Variants in PROKR1 observed in about 807,000 individuals in gnomAD.
PROKR1 encodes G protein-coupled receptor 73.
In PROKR1, 21 loss-of-function variants were observed where a neutral mutation model predicts 22.8. That is an observed-to-expected ratio of 0.92 (90% confidence interval 0.65 to 1.32). The LOEUF (loss-of-function observed/expected upper bound fraction) is 1.32. Ranked by LOEUF, PROKR1 falls within the 40% of genes most tolerant of loss-of-function variation. The probability of loss-of-function intolerance (pLI) is 0.00; values close to 1 mark genes in which losing one functional copy is unlikely to be tolerated. For missense variants in PROKR1, 548 were observed against 514.2 expected, an observed-to-expected ratio of 1.07 and a Z score of -0.64; for synonymous variants, 193 against 207.5, an observed-to-expected ratio of 0.93 and a Z score of 0.60.
In PROKR1 at chr2:68,646,195, T is replaced by A; in HGVS notation, c.374T>A (p.Val125Glu). Residue 125 changes from valine to glutamate, a missense_variant, in exon 2 of 3, where the codon GTG becomes GAG. Val to Glu is a moderately radical substitution (Grantham distance 121). Transcript: ENST00000303786. ...CCPFEMDYYV[V>E]RQLSWEHGHV... is the part of the protein sequence containing the mutation. ...CCCTTTGAGATGGACTACTATGTGG[T>A]GCGCCAGCTCTCCTGGGAGCACGGC... The A allele has an allele frequency of 6.2e-7, 1 of 1,609,930 alleles. No individual in the cohort carries two copies.
chr2:68,646,261 C>T lies in PROKR1; in HGVS notation c.440C>T (p.Ser147Phe). 2 of 1,614,198 alleles carry T rather than the reference C, an allele frequency of 1.2e-6. No individual in the cohort carries two copies. Among genetic ancestry groups the T allele is most frequent in the Non-Finnish European group, 1.7e-6 (2 of 1,180,016 alleles). Residue 147 changes from serine (S) to phenylalanine (F), a missense_variant, in exon 2 of 3, where the codon TCT (serine) becomes TTT (phenylalanine). By Grantham distance (155) the Ser-to-Phe change is radical. Transcript: ENST00000303786. The part of the protein sequence containing the change: ...CTSVNYLRTV[S>F]LYVSTNALLA... ...TCTGTCAACTACCTGCGCACTGTCTCTCTCTATGTCTCCACCAATGCCCTG... is the reference window on the plus strand; with the variant it reads ...TCTGTCAACTACCTGCGCACTGTCTTTCTCTATGTCTCCACCAATGCCCTG...
At chr2:68,646,909 G>A (rs72907843) in intron 2 of PROKR1, among the ~76,000 whole-genome samples, 12 of 152,090 alleles carry the variant, frequency 7.9e-5, no homozygotes, top group South Asian at 4.1e-4. Context: ...TTAGCTGAGC[G>A]TGGTGGTGTG....
At chr2:68,650,926 G>A (rs1673302062) in intron 2 of PROKR1, among the ~76,000 whole-genome samples, 1 of 152,138 alleles carries the variant, frequency 6.6e-6, no homozygotes, top group African/African-American at 2.4e-5. Flanking sequence ...CTAGAGGTGG[G>A]ATTGCCTGAA....
chr2:68,644,472 G>C (rs1026881136), intron 1 of PROKR1, among the ~76,000 whole-genome samples: 1 of 152,164 alleles, frequency 6.6e-6, no homozygotes, highest in African/African-American at 2.4e-5. Context: ...TAAGGAGTTA[G>C]GACAGAGAGG....
In PROKR1 at chr2:68,658,147, C is replaced by G. The variant is rs1673510921; in HGVS notation, c.*2571C>G. The G allele has an allele frequency of 6.6e-6, 1 of 152,194 alleles. No individual in the cohort carries two copies. The highest frequency in any genetic ancestry group is 1.5e-5 in the Non-Finnish European group (1 of 68,046). The allele number at this position is 152,194 out of a possible 1,614,324, so 9.4% of individuals were successfully genotyped here. A position where few individuals can be genotyped will look rare whatever the true frequency, so the allele number is the denominator to read the frequency against. On this transcript the variant is annotated 3_prime_UTR_variant, in exon 3 of 3. Transcript: ENST00000303786. ...TAAAATGTATCAATTTTTCACTCAA[C>G]TATCTGTGTTACTTCCAAATATTAG...
intron 2 of PROKR1, among the ~76,000 whole-genome samples, chr2:68,647,611 C>G (rs1007303933): frequency 6.6e-6 from 1 of 151,960 alleles, no homozygotes; most frequent in Admixed American, 6.6e-5. Flanking sequence ...GTGGGATGAC[C>G]GAAAAGGATA....
At chr2:68,648,654 C>T (rs1157831062) in intron 2 of PROKR1, among the ~76,000 whole-genome samples, 1 of 152,078 alleles carries the variant, frequency 6.6e-6, no homozygotes, top group East Asian at 1.9e-4. Flanking sequence ...TAATTGTGGT[C>T]TAGGAATCAT....
rs963515863 is a variant in PROKR1, at chr2:68,657,996, G to C, written c.*2420G>C. On this transcript the variant is annotated 3_prime_UTR_variant, in exon 3 of 3. Coordinates refer to ENST00000303786, the MANE Select transcript of PROKR1 (RefSeq NM_138964.4). Reference sequence around the variant, plus strand: ...GGAAGGTTAGCTTTTGTATTAAAAAGTTAAAAATGATACAATTTATTGTCA... The same window carrying C: ...GGAAGGTTAGCTTTTGTATTAAAAACTTAAAAATGATACAATTTATTGTCA... The C allele has an allele frequency of 2.6e-5, 4 of 152,092 alleles. No homozygotes were observed. Among genetic ancestry groups the C allele is most frequent in the African/African-American group, 9.7e-5 (4 of 41,412 alleles). The allele number at this position is 152,092 out of a possible 1,614,324, so 9.4% of individuals were successfully genotyped here.
chr2:68,653,887 G>C (rs959135061), intron 2 of PROKR1, among the ~76,000 whole-genome samples: 1 of 151,512 alleles, frequency 6.6e-6, no homozygotes, highest in Non-Finnish European at 1.5e-5. Context: ...GGTGCTTTGC[G>C]GTTAGAAAAA....
chr2:68,654,716 T>C (rs1310742820), intron 2 of PROKR1, among the ~76,000 whole-genome samples, 164 bp from the exon 3 acceptor site: 1 of 151,074 alleles, frequency 6.6e-6, no homozygotes, highest in Non-Finnish European at 1.5e-5. Flanking sequence ...GAGGATTGCT[T>C]GGGCCTAGGA....
At chr2:68,651,063 G>A (rs139060479) in intron 2 of PROKR1, among the ~76,000 whole-genome samples, 16 of 152,288 alleles carry the variant, frequency 1.1e-4, no homozygotes, top group Non-Finnish European at 1.9e-4. Context: ...TCAGACCTGA[G>A]GGCAGGAGGA....
Position 68,654,865 on chromosome 2 carries a change from G to C in PROKR1, c.486-15G>C. On this transcript the variant is annotated splice_polypyrimidine_tract_variant and intron_variant, in intron 2 of 2. Transcript: ENST00000303786. ...TTTCTCACAGTGGCTGCCTCCACTT[G>C]TGTTCTTGCCCTAGGTATCTGGCTA... 6.3e-7 allele frequency: 1 copy of C among 1,585,048 alleles called. No homozygotes were observed. Among genetic ancestry groups the C allele is most frequent in the Non-Finnish European group, 8.7e-7 (1 of 1,155,450 alleles).
At position 68,655,446 on chromosome 2, in the gene PROKR1, A is replaced by C; in HGVS notation, c.1052A>C (p.Lys351Thr). The change falls in exon 3 of 3, where the codon AAG becomes ACG. Residue 351 changes from lysine (K) to threonine (T), a missense_variant. By Grantham distance (78) the Lys-to-Thr change is moderately conservative (BLOSUM62 -1). Transcript: ENST00000303786. ...GTGACCGTCAAGAACGACACCGTCA[A>C]GTACTTCAAAAAGATCATGTTGCTC... ...CFVTVKNDTV[K>T]YFKKIMLLHW... 6.2e-7 allele frequency: 1 copy of C among 1,614,164 alleles called. No individual in the cohort carries two copies. The highest frequency in any genetic ancestry group is 1.1e-5 in the South Asian group (1 of 91,082).
chr2:68,649,698 G>A (rs1673270615), intron 2 of PROKR1: 1 of 152,170 alleles, frequency 6.6e-6, no homozygotes, highest in African/African-American at 2.4e-5. Context: ...TATTCTAGGT[G>A]AGTAGTCAAG....
Position 68,657,301 on chromosome 2 carries a change from T to C in PROKR1, c.*1725T>C, listed in dbSNP as rs983574000. ...GCCTGGACAAGAAAAACCTCTTACT[T>C]TGGCTTGTGTATCCAGAAACCTGGC... On this transcript the variant is annotated 3_prime_UTR_variant, in exon 3 of 3. Coordinates refer to ENST00000303786, the MANE Select transcript of PROKR1 (RefSeq NM_138964.4). 1.3e-5 allele frequency: 2 copies of C among 152,236 alleles called. No individual in the cohort carries two copies. Among genetic ancestry groups the C allele is most frequent in the African/African-American group, 2.4e-5 (1 of 41,450 alleles). The allele number at this position is 152,236 out of a possible 1,614,324, so 9.4% of individuals were successfully genotyped here.
chr2:68,655,653 C>T lies in PROKR1; in HGVS notation c.*77C>T, dbSNP rs887448534. 4 of 1,419,378 alleles carry T rather than the reference C, an allele frequency of 2.8e-6. No homozygotes were observed. In the African/African-American group the frequency reaches 4.3e-5, roughly 15 times the overall value. The allele number at this position is 1,419,378 out of a possible 1,614,324, so 87.9% of individuals were successfully genotyped here. A position where few individuals can be genotyped will look rare whatever the true frequency, so the allele number is the denominator to read the frequency against. ...ACTAGTGTGCTTGGATGCACATCAA[C>T]CTGGAACTTTTTGTTTGCTGCAGAG... On this transcript the variant is annotated 3_prime_UTR_variant, in exon 3 of 3. Transcript: ENST00000303786.
chr2:68,644,354 GC>G (rs1262856189), intron 1 of PROKR1, among the ~76,000 whole-genome samples: 3 of 152,266 alleles, frequency 2.0e-5, no homozygotes, highest in East Asian at 1.9e-4. Context: ...TTCCAAGCCT[GC>G]CCCCCTCCTT....
Position 68,646,271 on chromosome 2 carries a change from C to A in PROKR1, c.450C>A (p.Val150=). The A allele has an allele frequency of 2.5e-6, 4 of 1,614,248 alleles. No individual in the cohort carries two copies. Among genetic ancestry groups the A allele is most frequent in the Non-Finnish European group, 3.4e-6 (4 of 1,180,042 alleles). The change falls in exon 2 of 3, where the codon GTC becomes GTA. Residue 150 remains valine, a synonymous_variant. Transcript: ENST00000303786. ...VNYLRTVSLY[V]STNALLAIAI... is the part of the protein sequence containing the mutation. ...ACCTGCGCACTGTCTCTCTCTATGT[C>A]TCCACCAATGCCCTGCTGGCCATCG... is the stretch of plus-strand genomic sequence containing the variant.
intron 2 of PROKR1, among the ~76,000 whole-genome samples, chr2:68,648,741 A>G (rs537666604): frequency 1.3e-3 from 198 of 152,358 alleles, no homozygotes; most frequent in Non-Finnish European, 2.2e-3. Context: ...GGTTTATAAC[A>G]GATCTACTTA....
Sources: allele counts gnomAD v4.1 joint callset (sites outside exome capture counted in the v4.1 genomes callset), GRCh38; gene constraint gnomAD v4.1.1; transcripts MANE v1.5; gene names NCBI Gene and HGNC (gene_info 2026-07-23, HGNC 2026-07-21).